Variants in COX7A2 observed in about 807,000 individuals in gnomAD.
COX7A2 encodes cytochrome c oxidase subunit 7A2, mitochondrial.
A neutral mutation model predicts 11.6 loss-of-function variants in COX7A2; 11 were observed. The observed-to-expected ratio is 0.95, with a 90% CI of 0.60 to 1.57. The LOEUF is 1.57. Ranked by LOEUF, COX7A2 falls within the 40% of genes most tolerant of loss-of-function variation. The pLI is 0.00. For missense variants in COX7A2, 106 were observed against 100.9 expected, an observed-to-expected ratio of 1.05 and a Z score of -0.22; for synonymous variants, 30 against 38.2, an observed-to-expected ratio of 0.78 and a Z score of 0.79.
Position 75,240,288 on chromosome 6 carries a change from C to G in COX7A2, c.193+13G>C, listed in dbSNP as rs892923172. On this transcript the variant is annotated intron_variant, in intron 3 of 3. Transcript: ENST00000684430. The stretch of plus-strand genomic sequence containing the variant: ...ACTTTTCTATAAACCTTCAAACATT[C>G]CAAAGGCCTTACCACCAACTGTAAG... 1 of 1,592,574 alleles carries G rather than the reference C, an allele frequency of 6.3e-7. No individual in the cohort carries two copies. The highest frequency in any genetic ancestry group is 8.6e-7 in the Non-Finnish European group (1 of 1,164,124).
intron 3 of COX7A2, among the ~76,000 whole-genome samples, 191 bp downstream of exon 3, chr6:75,240,110 A>C (rs978295730): frequency 6.6e-6 from 1 of 152,178 alleles, no homozygotes; most frequent in African/African-American, 2.4e-5. Flanking sequence ...TCAAAAAAAA[A>C]AGAAGACATC....
chr6:75,241,184 GT>G lies in COX7A2; in HGVS notation c.99del (p.Lys33AsnfsTer13). 1.3e-6 allele frequency: 2 copies of G among 1,598,426 alleles called. No individual in the cohort carries two copies. Among genetic ancestry groups the G allele is most frequent in the East Asian group, 2.2e-5 (1 of 44,678 alleles). Reference protein sequence around the residue: ...HFKNKVPEKQKLFQEDDEIPL... With the variant: ...HFKNKVPEKQXLFQEDDEIPL... ...ATAAAATACTTCAGTACCTGGAACA[GT>G]TTTTGCTTCTCCGGAACTTTATTTT... On this transcript the variant is annotated frameshift_variant, in exon 2 of 4. Transcript: ENST00000684430. LOFTEE classifies it high-confidence loss of function.
upstream of COX7A2, among the ~76,000 whole-genome samples, chr6:75,247,071 T>C (rs1044016360): frequency 6.6e-6 from 1 of 152,172 alleles, no homozygotes; most frequent in Non-Finnish European, 1.5e-5. Flanking sequence ...AGGGGGAATA[T>C]GTGGGAAATA....
At chr6:75,249,249 C>G (rs1263554621) in intron 1 of COX7A2, among the ~76,000 whole-genome samples, 2 of 152,102 alleles carry the variant, frequency 1.3e-5, no homozygotes, top group Admixed American at 1.3e-4. Context: ...AAACAAAAGA[C>G]AATTTTGGCA....
At chr6:75,245,104 T>C (rs768912453), upstream of COX7A2, among the ~76,000 whole-genome samples, 1 of 152,226 alleles carries the variant, frequency 6.6e-6, no homozygotes, top group Non-Finnish European at 1.5e-5. Context: ...GTGGATTTCT[T>C]ACCAATCCCC....
At chr6:75,245,717 C>G (rs114673317), upstream of COX7A2, among the ~76,000 whole-genome samples, 250 of 151,976 alleles carry the variant, frequency 1.6e-3, 2 homozygotes, top group African/African-American at 5.9e-3. Flanking sequence ...TTTTTTGATC[C>G]CATTTTGGGC....
At chr6:75,250,102 A>C (rs1771757427) in exon 1 of COX7A2, 1 of 152,198 alleles carries the variant, frequency 6.6e-6, no homozygotes, top group African/African-American at 2.4e-5. Context: ...GAATGTAAGA[A>C]ATCTCAGGTT....
At chr6:75,242,610 T>TGA (rs138030351) in intron 1 of COX7A2, among the ~76,000 whole-genome samples, 1 of 14,838 alleles carries the variant, frequency 6.7e-5, no homozygotes, top group Non-Finnish European at 1.5e-4. Context: ...TCACTTGAGG[T>TGA]CGAGTCCGAG....
At chr6:75,248,505 C>T (rs1771725494), upstream of COX7A2, among the ~76,000 whole-genome samples, 2 of 152,210 alleles carry the variant, frequency 1.3e-5, no homozygotes, top group African/African-American at 4.8e-5. Context: ...AAGTCCCCCG[C>T]TTTGAGTTGT....
chr6:75,241,654 A>T (rs1771504284), intron 1 of COX7A2, among the ~76,000 whole-genome samples: 1 of 152,218 alleles, frequency 6.6e-6, no homozygotes, highest in African/African-American at 2.4e-5. Context: ...CTGCCATATC[A>T]TCAAAAACCT....
Position 75,243,718 on chromosome 6 carries a change from AG to A in COX7A2, c.16del (p.Leu6TrpfsTer11), listed in dbSNP as rs761560171. MLRNLLALRQIGQRTI... is the reference protein window; with the variant it reads MLRNLXALRQIGQRTI... The stretch of plus-strand genomic sequence containing the variant: ...AATGCAAGATGAGAAGCTCCTCACC[AG>A]CAGATTCCGCAGCATCTTGGCTGTT... On this transcript the variant is annotated frameshift_variant and splice_region_variant, in exon 1 of 4. Transcript: ENST00000684430. LOFTEE classifies it high-confidence loss of function. 1 of 1,613,726 alleles carries A rather than the reference AG, an allele frequency of 6.2e-7. No homozygotes were observed. The highest frequency in any genetic ancestry group is 1.1e-5 in the South Asian group (1 of 91,056).
upstream of COX7A2, among the ~76,000 whole-genome samples, chr6:75,248,555 A>G (rs577072176): frequency 6.6e-6 from 1 of 152,356 alleles, no homozygotes; most frequent in Non-Finnish European, 1.5e-5. Context: ...TCTTAAATGT[A>G]TTTGATTGAT....
chr6:75,238,760 C>T (rs1389740106), intron 3 of COX7A2, among the ~76,000 whole-genome samples: 2 of 143,388 alleles, frequency 1.4e-5, no homozygotes, highest in South Asian at 2.3e-4. Context: ...TTAAAAACTA[C>T]TTACCAGAAT....
intron 3 of COX7A2, among the ~76,000 whole-genome samples, chr6:75,239,415 A>T (rs1771421194): frequency 6.6e-6 from 1 of 152,200 alleles, no homozygotes; most frequent in Non-Finnish European, 1.5e-5. Flanking sequence ...AGAGTTTCCC[A>T]AACAGGTAAT....
chr6:75,247,493 T>C (rs992261158), upstream of COX7A2, among the ~76,000 whole-genome samples: 3 of 152,240 alleles, frequency 2.0e-5, no homozygotes, highest in South Asian at 2.1e-4. Context: ...TATCATATTC[T>C]GAGTCACTTT....
chr6:75,241,025 A>T, intron 2 of COX7A2, 151 bp downstream of exon 2: 1 of 921,928 alleles, frequency 1.1e-6, no homozygotes, highest in Non-Finnish European at 1.5e-6. Context: ...AGAGACAACC[A>T]CTATTAGCAC....
At chr6:75,243,162 T>A (rs1000423744) in intron 1 of COX7A2, among the ~76,000 whole-genome samples, 1 of 152,182 alleles carries the variant, frequency 6.6e-6, no homozygotes, top group Non-Finnish European at 1.5e-5. Context: ...ATATTTCACA[T>A]GCTCAAAGTC....
upstream of COX7A2, among the ~76,000 whole-genome samples, chr6:75,247,863 GTCTC>G (rs1771713622): frequency 6.6e-6 from 1 of 152,118 alleles, no homozygotes; most frequent in South Asian, 2.1e-4. Flanking sequence ...CCCAAAACAT[GTCTC>G]TCTGCCATAT....
At chr6:75,242,825 A>AAAAT (rs1562371812) in intron 1 of COX7A2, among the ~76,000 whole-genome samples, 1,415 of 10,188 alleles carry the variant, frequency 0.14, 23 homozygotes, top group Middle Eastern at 0.56. Context: ...TCTCAAAAAA[A>AAAAT]AAAATAAAAT....
Sources: allele counts gnomAD v4.1 joint callset (sites outside exome capture counted in the v4.1 genomes callset), GRCh38; gene constraint gnomAD v4.1.1; transcripts MANE v1.5; gene names NCBI Gene and HGNC (gene_info 2026-07-23, HGNC 2026-07-21).